ARL15: variants seen among roughly 807,000 people sequenced by gnomAD.
ARL15 encodes ARF like GTPase 15.
A neutral mutation model predicts 25.2 loss-of-function variants in ARL15; 19 were observed. That is an observed-to-expected ratio of 0.75 (90% CI 0.53 to 1.10). The LOEUF is 1.10. Among genes scored for constraint, ARL15 ranks in the 50% least tolerant of loss-of-function variants. The pLI is 0.00. For missense variants in ARL15, 220 were observed against 246.0 expected (o/e 0.89, Z 0.71); for synonymous variants, 94 against 86.8 (o/e 1.08, Z -0.46).
chr5:54,217,946 T>C (rs1307051963), intron 1 of ARL15, among the ~76,000 whole-genome samples: 2 of 151,784 alleles, frequency 1.3e-5, no homozygotes, highest in African/African-American at 4.8e-5. Context: ...GGAAAAAAAA[T>C]CACCCAAACA....
intron 3 of ARL15, among the ~76,000 whole-genome samples, chr5:54,119,437 G>T (rs1753007683): frequency 6.6e-6 from 1 of 152,002 alleles, no homozygotes; most frequent in Admixed American, 6.6e-5. Flanking sequence ...AACTCCTATT[G>T]CTTATAAATT....
intron 4 of ARL15, among the ~76,000 whole-genome samples, chr5:53,889,615 C>A (rs969184889): frequency 2.0e-5 from 3 of 152,204 alleles, no homozygotes; most frequent in Admixed American, 6.5e-5. Context: ...CTGGTATCCA[C>A]AGGATTCCAC....
intron 1 of ARL15, among the ~76,000 whole-genome samples, chr5:54,220,924 CT>C (rs948281011): frequency 1.3e-3 from 188 of 149,150 alleles, no homozygotes; most frequent in African/African-American, 3.6e-3. Flanking sequence ...AGACATGTGT[CT>C]TTTTTTTTTC....
intron 4 of ARL15, among the ~76,000 whole-genome samples, chr5:53,892,991 C>T (rs72763116): frequency 0.086 from 13,064 of 152,188 alleles, 699 homozygotes; most frequent in Non-Finnish European, 0.13. Context: ...AGCAAAATTT[C>T]GTAGGACCTT....
At chr5:54,117,370 T>TACACACACAC (rs71600803) in intron 3 of ARL15, among the ~76,000 whole-genome samples, 3,109 of 143,824 alleles carry the variant, frequency 0.022, 57 homozygotes, top group South Asian at 0.046. Flanking sequence ...GTGAGACACA[T>TACACACACAC]ACACACACAC....
At chr5:53,957,295 G>A (rs997882684) in intron 4 of ARL15, among the ~76,000 whole-genome samples, 10 of 152,000 alleles carry the variant, frequency 6.6e-5, no homozygotes, top group Admixed American at 5.9e-4. Flanking sequence ...GACCAAAAAG[G>A]AGTGGGACAA....
At chr5:54,100,495 G>C (rs1478702926) in intron 4 of ARL15, among the ~76,000 whole-genome samples, 1 of 151,714 alleles carries the variant, frequency 6.6e-6, no homozygotes, top group Admixed American at 6.6e-5. Context: ...TAATAAACAC[G>C]GTATGACTGC....
intron 4 of ARL15, among the ~76,000 whole-genome samples, chr5:54,008,231 G>A (rs1749111244): frequency 1.3e-5 from 2 of 152,176 alleles, no homozygotes; most frequent in African/African-American, 4.8e-5. Flanking sequence ...ACCTAAGACA[G>A]AAATAGTGAG....
intron 4 of ARL15, among the ~76,000 whole-genome samples, chr5:54,082,881 T>G (rs1279059291): frequency 1.3e-5 from 2 of 152,200 alleles, no homozygotes; most frequent in African/African-American, 4.8e-5. Flanking sequence ...GCTGAAGAAT[T>G]GGGCATAGTA....
chr5:54,242,225 GA>G (rs1273561770), intron 1 of ARL15, among the ~76,000 whole-genome samples: 7 of 152,094 alleles, frequency 4.6e-5, no homozygotes, highest in Non-Finnish European at 7.4e-5. Flanking sequence ...CAGATGGTTT[GA>G]AGGGCTAAAT....
At chr5:54,237,493 GTAGATCAATA>G (rs1756840734) in intron 1 of ARL15, among the ~76,000 whole-genome samples, 1 of 152,150 alleles carries the variant, frequency 6.6e-6, no homozygotes, top group African/African-American at 2.4e-5. Context: ...GATCAGACAG[GTAGATCAATA>G]TAGACACCAA....
intron 4 of ARL15, among the ~76,000 whole-genome samples, chr5:54,109,075 T>A (rs932352670): frequency 2.0e-5 from 3 of 152,030 alleles, no homozygotes; most frequent in Admixed American, 1.3e-4. Flanking sequence ...GTTCTATGCA[T>A]GTCATAATAA....
intron 2 of ARL15, among the ~76,000 whole-genome samples, chr5:54,165,128 T>C (rs1193647730): frequency 6.6e-6 from 1 of 152,084 alleles, no homozygotes; most frequent in African/African-American, 2.4e-5. Flanking sequence ...AATCTTCCAA[T>C]AGTGTACTTC....
At chr5:53,964,650 G>A (rs561890564) in intron 4 of ARL15, among the ~76,000 whole-genome samples, 100 of 152,172 alleles carry the variant, frequency 6.6e-4, no homozygotes, top group African/African-American at 1.4e-3. Flanking sequence ...GTGAGCCACC[G>A]CACCTGGCCT....
intron 3 of ARL15, among the ~76,000 whole-genome samples, chr5:54,137,395 C>G (rs1192281205): frequency 6.6e-6 from 1 of 152,146 alleles, no homozygotes; most frequent in Non-Finnish European, 1.5e-5. Context: ...CATTGTATTG[C>G]CATGGGACTT....
At position 54,041,148 on chromosome 5, in the gene ARL15, C is replaced by T. The variant is rs564163140; in HGVS notation, c.462+72054G>A. Among the ~76,000 whole-genome samples, 18 of 152,272 alleles carry T rather than the reference C, an allele frequency of 1.2e-4. No homozygotes were observed. In the South Asian group the frequency reaches 3.7e-3, roughly 32 times the overall value. On this transcript the variant is annotated intron_variant, in intron 4 of 4. Transcript: ENST00000504924. Reference sequence around the variant, plus strand: ...CAATTAACTTAGCCTCTCAGGAAAACCATCCTCAGTCTCATCAAATTGTGT... The same window carrying T: ...CAATTAACTTAGCCTCTCAGGAAAATCATCCTCAGTCTCATCAAATTGTGT...
chr5:54,176,994 C>T (rs1274243974), intron 1 of ARL15, among the ~76,000 whole-genome samples: 1 of 152,166 alleles, frequency 6.6e-6, no homozygotes, highest in East Asian at 1.9e-4. Context: ...TAAACACACA[C>T]AACCTGTCCC....
At chr5:53,942,226 G>T (rs1746560809) in intron 4 of ARL15, among the ~76,000 whole-genome samples, 1 of 152,082 alleles carries the variant, frequency 6.6e-6, no homozygotes, top group Non-Finnish European at 1.5e-5. Context: ...GGAAGAGAGG[G>T]AAGGATGCTA....
chr5:54,068,174 C>T (rs1751305279), intron 4 of ARL15, among the ~76,000 whole-genome samples: 1 of 152,188 alleles, frequency 6.6e-6, no homozygotes, highest in Non-Finnish European at 1.5e-5. Flanking sequence ...TCCAAACTAT[C>T]TTCTTCCCAT....
Sources: gnomAD v4.1 joint callset for allele counts (sites outside exome capture counted in the v4.1 genomes callset) on GRCh38, gnomAD v4.1.1 for gene constraint, MANE v1.5 for transcripts, NCBI Gene and HGNC (gene_info 2026-07-23, HGNC 2026-07-21) for gene names.